The following IRAG1 variants were observed in gnomAD, a reference collection of about 807,000 sequenced individuals.
IRAG1 encodes the protein inositol 1,4,5-triphosphate receptor associated 1, also known as IP3R-associated cGMP kinase substrate.
A neutral mutation model predicts 106.2 loss-of-function variants in IRAG1; 62 were observed. The observed-to-expected ratio is 0.58, with a 90% CI of 0.48 to 0.72. The LOEUF is 0.72. Among genes scored for constraint, IRAG1 ranks in the 30% least tolerant of loss-of-function variants. The pLI is 0.00. For synonymous variants in IRAG1, 462 were observed against 443.9 expected (o/e 1.04, Z -0.51); for missense variants, 1,064 against 1,140.7 (o/e 0.93, Z 0.97).
At chr11:10,669,533 G>A (rs903823) in intron 1 of IRAG1, among the ~76,000 whole-genome samples, 104,480 of 152,090 alleles carry the variant, frequency 0.69, 37,022 homozygotes, top group East Asian at 0.97. Flanking sequence ...TGAGGCTTAA[G>A]GAAGATACTT....
At chr11:10,666,320 G>C (rs1859782321) in intron 1 of IRAG1, among the ~76,000 whole-genome samples, 1 of 152,204 alleles carries the variant, frequency 6.6e-6, no homozygotes, top group Admixed American at 6.5e-5. Flanking sequence ...TTGAAGCTCA[G>C]AAAGGTGAAG....
intron 1 of IRAG1, among the ~76,000 whole-genome samples, chr11:10,684,938 G>A (rs970955508): frequency 6.6e-6 from 1 of 152,130 alleles, no homozygotes; most frequent in African/African-American, 2.4e-5. Flanking sequence ...AAAGAGAAAG[G>A]CTTGTCCAAA....
At chr11:10,629,992 C>G in intron 4 of IRAG1, 1 of 387,010 alleles carries the variant, frequency 2.6e-6, no homozygotes, top group Non-Finnish European at 4.7e-6. Context: ...GGGAAGGCCA[C>G]CCAGGAGCCT....
chr11:10,671,440 G>A (rs1860214563), intron 1 of IRAG1, among the ~76,000 whole-genome samples: 1 of 152,172 alleles, frequency 6.6e-6, no homozygotes. Context: ...GGCCGGGTGT[G>A]GTAGCTCACA....
intron 2 of IRAG1, among the ~76,000 whole-genome samples, chr11:10,648,189 C>T (rs191410590): frequency 6.6e-6 from 1 of 152,188 alleles, no homozygotes; most frequent in African/African-American, 2.4e-5. Context: ...CACGGCGAAA[C>T]CCCATATCTA....
At chr11:10,592,383 C>T (rs1480757153) in intron 17 of IRAG1, among the ~76,000 whole-genome samples, 2 of 152,168 alleles carry the variant, frequency 1.3e-5, no homozygotes, top group Non-Finnish European at 2.9e-5. Flanking sequence ...ATACACTAAC[C>T]AGTCCTCTCC....
chr11:10,670,694 T>C (rs1351261093), intron 1 of IRAG1, among the ~76,000 whole-genome samples: 1 of 152,168 alleles, frequency 6.6e-6, no homozygotes, highest in East Asian at 1.9e-4. Context: ...AAAGAGGTGA[T>C]TAAGTTTAAA....
intron 2 of IRAG1, among the ~76,000 whole-genome samples, chr11:10,635,298 G>A (rs1018488386): frequency 1.3e-5 from 2 of 152,188 alleles, no homozygotes; most frequent in Non-Finnish European, 2.9e-5. Flanking sequence ...TGACTGGCAT[G>A]TGCTGCCACT....
At chr11:10,664,883 C>T (rs1018580941) in intron 1 of IRAG1, among the ~76,000 whole-genome samples, 1 of 152,160 alleles carries the variant, frequency 6.6e-6, no homozygotes. Context: ...CAGCTAAGAG[C>T]CAGAAAGAAA....
At chr11:10,667,877 T>G (rs2135076326) in intron 1 of IRAG1, among the ~76,000 whole-genome samples, 1 of 152,342 alleles carries the variant, frequency 6.6e-6, no homozygotes, top group East Asian at 1.9e-4. Context: ...AAGGGGAATC[T>G]GATCCAAAGA....
At chr11:10,580,296 C>G (rs1851259684) in intron 20 of IRAG1, among the ~76,000 whole-genome samples, 159 bp downstream of exon 20, 1 of 152,220 alleles carries the variant, frequency 6.6e-6, no homozygotes, top group Admixed American at 6.5e-5. Flanking sequence ...CTACCTCCTT[C>G]CCAACATGTG....
intron 15 of IRAG1, among the ~76,000 whole-genome samples, chr11:10,598,650 G>A (rs530527363): frequency 6.6e-5 from 10 of 152,286 alleles, no homozygotes; most frequent in Non-Finnish European, 8.8e-5. Context: ...TCAATGGCAC[G>A]GTGAATTGAG....
At chr11:10,576,694 T>G in intron 20 of IRAG1, 119 bp from the exon 21 acceptor site, 1 of 1,268,418 alleles carries the variant, frequency 7.9e-7, no homozygotes, top group South Asian at 1.3e-5. Context: ...TTCTCAAACT[T>G]AGCTGTGCCT....
intron 18 of IRAG1, among the ~76,000 whole-genome samples, chr11:10,589,863 C>T (rs1852441987): frequency 6.6e-6 from 1 of 152,178 alleles, no homozygotes; most frequent in African/African-American, 2.4e-5. Flanking sequence ...AATTTTGTAC[C>T]TCAGTTTCCC....
At position 10,594,224 on chromosome 11, in the gene IRAG1, C is replaced by T. The variant is rs780836183; in HGVS notation, c.2018-29G>A. 4 of 1,599,562 alleles carry T rather than the reference C, an allele frequency of 2.5e-6. No homozygotes were observed. The African/African-American group carries it at 4.0e-5, about 16-fold the overall frequency. On this transcript the variant is annotated intron_variant, in intron 15 of 20. Coordinates refer to ENST00000423302, the MANE Select transcript of IRAG1 (RefSeq NM_130385.4). ...CAGCAGGAGGGAGCAGAGAAGAGAA[C>T]ACAGGTAAGTTTCAGGCTAGGCACC...
intron 1 of IRAG1, among the ~76,000 whole-genome samples, chr11:10,686,247 T>C (rs1861651647): frequency 1.3e-5 from 2 of 152,142 alleles, no homozygotes; most frequent in African/African-American, 2.4e-5. Context: ...GGTTAGATCA[T>C]TCGCCCACGT....
At chr11:10,594,052 T>A (rs1852983713) in intron 16 of IRAG1, 94 bp downstream of exon 16, 2 of 1,195,116 alleles carry the variant, frequency 1.7e-6, no homozygotes, top group African/African-American at 3.1e-5. Context: ...TTCTCTGGCA[T>A]CCATGGATCC....
intron 10 of IRAG1, among the ~76,000 whole-genome samples, chr11:10,612,803 C>A (rs1267724966): frequency 6.6e-6 from 1 of 151,580 alleles, no homozygotes; most frequent in Admixed American, 6.6e-5. Context: ...GAAAAAATAA[C>A]CTGAAAAAAA....
intron 2 of IRAG1, among the ~76,000 whole-genome samples, chr11:10,644,913 G>C (rs1192564113): frequency 6.6e-6 from 1 of 152,204 alleles, no homozygotes; most frequent in Non-Finnish European, 1.5e-5. Context: ...CAAATGGATA[G>C]AGAAGCTGGC....
Sources: gnomAD v4.1 joint callset for allele counts (sites outside exome capture counted in the v4.1 genomes callset) on GRCh38, gnomAD v4.1.1 for gene constraint, MANE v1.5 for transcripts, NCBI Gene and HGNC (gene_info 2026-07-23, HGNC 2026-07-21) for gene names.